The following IDO1 variants were observed in gnomAD, a reference collection of about 807,000 sequenced individuals.
The protein encoded by IDO1 is indolamine 2,3 dioxygenase.
In IDO1, 35 loss-of-function variants were observed where a neutral mutation model predicts 38.8. The observed-to-expected ratio is 0.90, with a 90% CI of 0.69 to 1.20. IDO1 has a LOEUF of 1.20. IDO1 is among the 50% of genes most tolerant of loss of function. IDO1 has a pLI of 0.00. For missense variants in IDO1, 509 were observed against 485.1 expected (o/e 1.05, Z -0.46); for synonymous variants, 171 against 170.0 (o/e 1.01, Z -0.05).
In IDO1 at chr8:39,924,774, T is replaced by C; in HGVS notation, c.707+2T>C. The C allele has an allele frequency of 6.3e-7, 1 of 1,599,592 alleles. No individual in the cohort carries two copies. The highest frequency in any genetic ancestry group is 8.6e-7 in the Non-Finnish European group (1 of 1,168,274). ...TGTTCTTCGCATATATTTGTCTGGG[T>C]ATGTAGTCTTATGTTTGAATTTGTT... On this transcript the variant is annotated splice_donor_variant, in intron 8 of 9. Coordinates refer to ENST00000518237, the MANE Select transcript of IDO1 (RefSeq NM_002164.6). LOFTEE classifies it high-confidence loss of function.
intron 5 of IDO1, 30 bp downstream of exon 5, chr8:39,920,144 G>T: frequency 6.4e-7 from 1 of 1,570,794 alleles, no homozygotes; most frequent in Non-Finnish European, 8.7e-7. Context: ...TTGATTCTAA[G>T]AATTATTTGT....
At chr8:39,923,786 A>T (rs1201662331) in intron 7 of IDO1, 200 bp downstream of exon 7, 2 of 406,530 alleles carry the variant, frequency 4.9e-6, no homozygotes, top group East Asian at 4.0e-5. Context: ...CTAAATTCAG[A>T]AAGACAGGGT....
chr8:39,919,043 G>A (rs769582706), intron 4 of IDO1, 110 bp downstream of exon 4: 12 of 783,094 alleles, frequency 1.5e-5, no homozygotes, highest in South Asian at 1.5e-4. Context: ...TCTCAGCTGG[G>A]TATGGTTCCT....
intron 4 of IDO1, among the ~76,000 whole-genome samples, chr8:39,919,739 T>A (rs1350189838): frequency 6.6e-6 from 1 of 152,036 alleles, no homozygotes; most frequent in African/African-American, 2.4e-5. Flanking sequence ...ACACAGGGAG[T>A]TAAGGCAGGA....
chr8:39,928,543 C>T lies in IDO1; in HGVS notation c.*358C>T, dbSNP rs139027344. ...GGTCAGGAGATCGAGACCATCTTGG[C>T]TAACACGGTGAAACCCCGTCTCTAC... On this transcript the variant is annotated 3_prime_UTR_variant, in exon 10 of 10. Coordinates refer to ENST00000518237, the MANE Select transcript of IDO1 (RefSeq NM_002164.6). The T allele has an allele frequency of 0.031, 5,033 of 163,984 alleles. 223 individuals are homozygous for T. Among genetic ancestry groups the T allele is most frequent in the African/African-American group, 0.1 (4,146 of 41,648 alleles). The allele number at this position is 163,984 out of a possible 1,614,324, so 10.2% of individuals were successfully genotyped here.
chr8:39,915,892 C>CGGGT (rs1807167449), intron 1 of IDO1, among the ~76,000 whole-genome samples: 1 of 151,948 alleles, frequency 6.6e-6, no homozygotes, highest in Non-Finnish European at 1.5e-5. Context: ...CGGCTGGGGA[C>CGGGT]GGGTGGCTCA....
chr8:39,925,197 C>CT (rs1807340757), intron 8 of IDO1, 26 bp from the exon 9 acceptor site: 2 of 1,553,958 alleles, frequency 1.3e-6, no homozygotes, highest in Middle Eastern at 2.2e-4. Context: ...AATGATTTTT[C>CT]TTTTTTTCTT....
intron 1 of IDO1, 44 bp downstream of exon 1, chr8:39,914,053 C>G: frequency 7.4e-7 from 1 of 1,359,414 alleles, no homozygotes; most frequent in African/African-American, 1.4e-5. Context: ...TTCTTCTTCT[C>G]ATTCCTTACC....
intron 7 of IDO1, among the ~76,000 whole-genome samples, chr8:39,924,134 T>TA (rs1807322147): frequency 1.3e-5 from 2 of 152,152 alleles, no homozygotes; most frequent in African/African-American, 4.8e-5. Context: ...ACTCAACAAA[T>TA]ACTTGATTGT....
At chr8:39,925,401 C>A (rs1187552435) in intron 9 of IDO1, 30 bp downstream of exon 9, 1 of 1,589,862 alleles carries the variant, frequency 6.3e-7, no homozygotes. Flanking sequence ...AAATAATTAT[C>A]TCTTATGTGA....
intron 6 of IDO1, chr8:39,922,922 C>T (rs1563416460): frequency 2.4e-6 from 1 of 412,926 alleles, no homozygotes; most frequent in Admixed American, 4.1e-5. Context: ...GATACAGTGT[C>T]ATAAATTCAA....
rs774456014 is a variant in IDO1 at position 39,918,171 on chromosome 8, A to G, written c.267A>G (p.Ala89=). The G allele has an allele frequency of 2.5e-6, 4 of 1,613,944 alleles. No individual in the cohort carries two copies. The Admixed American group carries it at 5.0e-5, about 20-fold the overall frequency. Residue 89 remains alanine (A), a synonymous_variant, in exon 3 of 10, where the codon GCA becomes GCG. Coordinates refer to ENST00000518237, the MANE Select transcript of IDO1 (RefSeq NM_002164.6). ...ARLVLGCITM[A]YVWGKGHGDV... ...TAGTTCTGGGATGCATCACCATGGC[A>G]TATGTGTGGGGCAAAGGTCATGGAG... is the stretch of plus-strand genomic sequence containing the variant.
chr8:39,917,221 C>A (rs911697675), intron 1 of IDO1, among the ~76,000 whole-genome samples: 2 of 152,136 alleles, frequency 1.3e-5, no homozygotes, highest in African/African-American at 4.8e-5. Flanking sequence ...GTAGGCCAGG[C>A]GCAGTGGCTC....
At chr8:39,924,594 A>G in intron 7 of IDO1, 127 bp from the exon 8 acceptor site, 2 of 666,812 alleles carry the variant, frequency 3.0e-6, no homozygotes. Flanking sequence ...GGCTTTGTTT[A>G]GCATAGACTG....
chr8:39,918,730 G>A (rs1807218527), intron 3 of IDO1, 85 bp from the exon 4 acceptor site: 4 of 690,746 alleles, frequency 5.8e-6, no homozygotes, highest in Non-Finnish European at 9.3e-6. Context: ...TGGGGGACAG[G>A]AGCAAGACTC....
rs1231480480 is a variant in IDO1 at position 39,928,038 on chromosome 8, G to A, written c.1065G>A (p.Leu355=). The A allele has an allele frequency of 6.2e-7, 1 of 1,608,642 alleles. No individual in the cohort carries two copies. The highest frequency in any genetic ancestry group is 8.5e-7 in the Non-Finnish European group (1 of 1,177,392). The part of the protein sequence containing the change: ...YHLQIVTKYI[L]IPASQQPKEN... ...TGCAAATCGTGACTAAGTACATCCT[G>A]ATTCCTGCAAGCCAGCAGCCAAAGG... Residue 355 remains leucine, a synonymous_variant, in exon 10 of 10, where the codon CTG becomes CTA. Coordinates refer to ENST00000518237, the MANE Select transcript of IDO1 (RefSeq NM_002164.6).
chr8:39,926,215 G>C (rs116744524), intron 9 of IDO1, among the ~76,000 whole-genome samples: 1 of 152,016 alleles, frequency 6.6e-6, no homozygotes, highest in African/African-American at 2.4e-5. Context: ...AAAACAAAAA[G>C]AAAAATAAAA....
intron 7 of IDO1, chr8:39,923,975 T>C (rs1807319914): frequency 1.3e-5 from 2 of 153,916 alleles, no homozygotes. Context: ...TTCCTAATTC[T>C]GTTTTTTTAC....
chr8:39,914,436 T>C (rs767490018), intron 1 of IDO1, among the ~76,000 whole-genome samples: 4 of 152,218 alleles, frequency 2.6e-5, no homozygotes, highest in Non-Finnish European at 5.9e-5. Flanking sequence ...AAAACATGTG[T>C]TTCTAATTTG....
Sources: allele counts gnomAD v4.1 joint callset (sites outside exome capture counted in the v4.1 genomes callset), GRCh38; gene constraint gnomAD v4.1.1; transcripts MANE v1.5; gene names NCBI Gene and HGNC (gene_info 2026-07-23, HGNC 2026-07-21).